Variants in PELI1 observed in about 807,000 individuals in gnomAD.
PELI1 encodes the protein pellino E3 ubiquitin protein ligase 1, also known as E3 ubiquitin-protein ligase pellino homolog 1.
A neutral mutation model predicts 41.3 loss-of-function variants in PELI1; 15 were observed. The ratio of observed to expected loss-of-function variants is 0.36; its 90% CI spans 0.24 to 0.56. The LOEUF (loss-of-function observed/expected upper bound fraction) is 0.56, where lower values mean the gene tolerates loss of function less well. Ranked by LOEUF, PELI1 falls within the 20% of genes least tolerant of loss-of-function variation. The probability of loss-of-function intolerance (pLI) is 0.82; values close to 1 mark genes in which losing one functional copy is unlikely to be tolerated. For missense variants in PELI1, 403 were observed against 525.5 expected, an observed-to-expected ratio of 0.77 and a Z score of 2.28; for synonymous variants, 178 against 180.1, an observed-to-expected ratio of 0.99 and a Z score of 0.09.
Position 64,095,268 on chromosome 2 carries a change from C to G in PELI1, c.691G>C (p.Val231Leu), listed in dbSNP as rs1390487260. The G allele has an allele frequency of 6.2e-7, 1 of 1,606,772 alleles. No homozygotes were observed. Among genetic ancestry groups the G allele is most frequent in the African/African-American group, 1.3e-5 (1 of 74,732 alleles). ...TRSAQQRGKM[V>L]EIETNQLQDG... ...TGTAACTGATTGGTTTCAATTTCCACCTAGAGGAGACAAGAGTTGAAAAAC... is the reference window on the plus strand; with the variant it reads ...TGTAACTGATTGGTTTCAATTTCCAGCTAGAGGAGACAAGAGTTGAAAAAC... Residue 231 changes from valine (V) to leucine (L), a missense_variant and splice_region_variant, in exon 7 of 7, where the codon GTG becomes CTG. By Grantham distance (32) the Val-to-Leu change is conservative. Coordinates refer to ENST00000358912, the MANE Select transcript of PELI1 (RefSeq NM_020651.4).
chr2:64,104,647 A>T, intron 3 of PELI1, 54 bp downstream of exon 3: 1 of 1,523,360 alleles, frequency 6.6e-7, no homozygotes, highest in East Asian at 2.3e-5. Context: ...CAACACATAA[A>T]AGTCTTTCAA....
intron 1 of PELI1, among the ~76,000 whole-genome samples, chr2:64,132,133 G>C (rs978589656): frequency 6.6e-6 from 1 of 152,158 alleles, no homozygotes; most frequent in East Asian, 1.9e-4. Context: ...CAGGATGCCA[G>C]TAGAAATAAT....
chr2:64,130,134 C>CT (rs1354779423), intron 1 of PELI1, among the ~76,000 whole-genome samples: 2 of 152,040 alleles, frequency 1.3e-5, no homozygotes, highest in African/African-American at 4.8e-5. Flanking sequence ...CTTTTCCCCC[C>CT]AATTTAAAGT....
chr2:64,138,668 A>G (rs766295130), intron 1 of PELI1, among the ~76,000 whole-genome samples: 4 of 152,198 alleles, frequency 2.6e-5, no homozygotes, highest in African/African-American at 7.2e-5. Context: ...CAGAATTTGC[A>G]GTGACCTGAG....
chr2:64,140,154 A>T (rs955255456), intron 1 of PELI1, among the ~76,000 whole-genome samples: 1 of 152,258 alleles, frequency 6.6e-6, no homozygotes, highest in Non-Finnish European at 1.5e-5. Context: ...TAGAATTAGC[A>T]ACATCCCAAG....
At chr2:64,117,927 A>G (rs181836738) in intron 1 of PELI1, among the ~76,000 whole-genome samples, 1 of 151,928 alleles carries the variant, frequency 6.6e-6, no homozygotes, top group East Asian at 1.9e-4. Context: ...CTCCTGCCTC[A>G]GCCTCCTAAG....
intron 1 of PELI1, among the ~76,000 whole-genome samples, chr2:64,134,092 G>A (rs1681644454): frequency 6.6e-6 from 1 of 152,078 alleles, no homozygotes; most frequent in Admixed American, 6.5e-5. Flanking sequence ...AAATGAGGGG[G>A]CCTACTGAAT....
At chr2:64,122,861 G>A (rs1681268796) in intron 1 of PELI1, among the ~76,000 whole-genome samples, 1 of 152,110 alleles carries the variant, frequency 6.6e-6, no homozygotes, top group Admixed American at 6.6e-5. Context: ...ACATTTTAAA[G>A]CTGGAAAGAA....
rs1292583979 is a variant in PELI1 at position 64,096,149 on chromosome 2, T to C, written c.666A>G (p.Arg222=). The C allele has an allele frequency of 6.8e-6, 11 of 1,613,784 alleles. No individual in the cohort carries two copies. In the South Asian group the frequency reaches 1.2e-4, roughly 18 times the overall value. ...CCATTTTTCCTCTCTGCTGAGCCGATCTGGTTTCACGTAGGCTAAATACAT... is the reference window on the plus strand; with the variant it reads ...CCATTTTTCCTCTCTGCTGAGCCGACCTGGTTTCACGTAGGCTAAATACAT... ...CGNVFSLRET[R]SAQQRGKMVE... Residue 222 remains arginine (R), a synonymous_variant, in exon 6 of 7, where the codon AGA becomes AGG. Coordinates refer to ENST00000358912, the MANE Select transcript of PELI1 (RefSeq NM_020651.4).
chr2:64,094,722 A>G lies in PELI1; in HGVS notation c.1237T>C (p.Phe413Leu). 1 of 1,613,840 alleles carries G rather than the reference A, an allele frequency of 6.2e-7. No individual in the cohort carries two copies. Among genetic ancestry groups the G allele is most frequent in the Non-Finnish European group, 8.5e-7 (1 of 1,179,692 alleles). Residue 413 changes from phenylalanine to leucine, a missense_variant, in exon 7 of 7, where the codon TTT becomes CTT. Transcript: ENST00000358912. ...GTCTGTTAGTCTAGAGGTCCTTGAA[A>G]AATAAGTCTGATGTAGCCTTGTTCA... is the stretch of plus-strand genomic sequence containing the variant. ...AGEQGYIRLI[F>L]QGPLD
chr2:64,137,210 G>A (rs2103745167), intron 1 of PELI1, among the ~76,000 whole-genome samples: 1 of 152,234 alleles, frequency 6.6e-6, no homozygotes, highest in South Asian at 2.1e-4. Context: ...AATAAAAACA[G>A]TTCTTATGGT....
At chr2:64,117,750 C>T (rs967198864) in intron 1 of PELI1, among the ~76,000 whole-genome samples, 1 of 152,018 alleles carries the variant, frequency 6.6e-6, no homozygotes. Flanking sequence ...CTCTTTGGGT[C>T]ACAAAAAGTT....
At chr2:64,117,856 C>A (rs555206282) in intron 1 of PELI1, among the ~76,000 whole-genome samples, 1 of 152,002 alleles carries the variant, frequency 6.6e-6, no homozygotes, top group South Asian at 2.1e-4. Flanking sequence ...GTTGCCCAGG[C>A]TGGAGTGGAG....
chr2:64,141,893 G>A (rs551553004), intron 1 of PELI1, among the ~76,000 whole-genome samples: 27 of 152,340 alleles, frequency 1.8e-4, no homozygotes, highest in Admixed American at 4.6e-4. Flanking sequence ...AGCCAAGACA[G>A]TGTTAGTAGC....
rs766299094 is a variant in PELI1, at chr2:64,096,615, G to A, written c.304-5C>T. 51 of 1,585,316 alleles carry A rather than the reference G, an allele frequency of 3.2e-5. No homozygotes were observed. Among genetic ancestry groups the A allele is most frequent in the Admixed American group, 9.1e-5 (5 of 54,922 alleles). ...GCTTTCAGTCGACCGGCCAATCTGA[G>A]GGAAAAAAAAAAATACCTATAAACC... On this transcript the variant is annotated splice_polypyrimidine_tract_variant and splice_region_variant and intron_variant, in intron 4 of 6. Coordinates refer to ENST00000358912, the MANE Select transcript of PELI1 (RefSeq NM_020651.4).
chr2:64,137,429 T>G (rs1342037924), intron 1 of PELI1, among the ~76,000 whole-genome samples: 1 of 152,138 alleles, frequency 6.6e-6, no homozygotes, highest in East Asian at 1.9e-4. Flanking sequence ...TAAATGAAAT[T>G]TACCTGAAAT....
chr2:64,133,344 AAG>A (rs1681617678), intron 1 of PELI1, among the ~76,000 whole-genome samples: 1 of 152,184 alleles, frequency 6.6e-6, no homozygotes, highest in Admixed American at 6.5e-5. Flanking sequence ...GTATAGATAG[AAG>A]AGAGAGACTT....
At chr2:64,123,487 T>C (rs1207684749) in intron 1 of PELI1, among the ~76,000 whole-genome samples, 1 of 152,070 alleles carries the variant, frequency 6.6e-6, no homozygotes, top group Non-Finnish European at 1.5e-5. Flanking sequence ...ATAAATGAAA[T>C]TAAAATTTGG....
intron 1 of PELI1, among the ~76,000 whole-genome samples, chr2:64,111,196 G>A (rs1680797243): frequency 6.6e-6 from 1 of 152,050 alleles, no homozygotes; most frequent in African/African-American, 2.4e-5. Flanking sequence ...GGAATCTCAT[G>A]AATGAAAAAG....
Sources: gnomAD v4.1 joint callset for allele counts (sites outside exome capture counted in the v4.1 genomes callset) on GRCh38, gnomAD v4.1.1 for gene constraint, MANE v1.5 for transcripts, NCBI Gene and HGNC (gene_info 2026-07-23, HGNC 2026-07-21) for gene names.